The following GRIK1 variants were observed in gnomAD, a reference collection of about 807,000 sequenced individuals.
GRIK1 encodes the protein glutamate ionotropic receptor kainate type subunit 1.
Under a neutral mutation model 105.7 loss-of-function variants are expected in GRIK1, and 69 were observed. That is an observed-to-expected ratio of 0.65 (90% CI 0.54 to 0.80). The LOEUF is 0.80. Among genes scored for constraint, GRIK1 ranks in the 30% least tolerant of loss-of-function variants. GRIK1 has a pLI of 0.00. For missense variants in GRIK1, 1,109 were observed against 1,167.3 expected (o/e 0.95, Z 0.73); for synonymous variants, 438 against 431.3 (o/e 1.02, Z -0.19).
chr21:29,759,222 A>G (rs1264489858), intron 1 of GRIK1, among the ~76,000 whole-genome samples: 2 of 150,326 alleles, frequency 1.3e-5, no homozygotes, highest in African/African-American at 4.9e-5. Context: ...GGTTCACGCC[A>G]TTCTCCTGCC....
chr21:29,587,687 T>A (rs2091160716), intron 11 of GRIK1, 98 bp from the exon 12 acceptor site: 1 of 669,090 alleles, frequency 1.5e-6, no homozygotes, highest in African/African-American at 1.8e-5. Flanking sequence ...CAACTCTAAA[T>A]GCTTCTCATT....
intron 1 of GRIK1, among the ~76,000 whole-genome samples, chr21:29,867,839 A>G (rs551039371): frequency 7.2e-4 from 108 of 150,674 alleles, no homozygotes; most frequent in Non-Finnish European, 1.1e-3. Context: ...AAAGAAAGAA[A>G]GAAGGAAGGA....
chr21:29,862,645 C>T lies in GRIK1; in HGVS notation c.118+76738G>A, dbSNP rs79155246. 2.2e-3 allele frequency among the ~76,000 whole-genome samples: 338 copies of T among 152,258 alleles called. 2 individuals carry two copies. Among genetic ancestry groups the T allele is most frequent in the African/African-American group, 5.2e-3 (217 of 41,544 alleles). ...CATGACATCTTGGACTCCAAATCAT[C>T]GCTTTGTGCAGGTGTAACTTATGTT... is the stretch of plus-strand genomic sequence containing the variant. On this transcript the variant is annotated intron_variant, in intron 1 of 17. Coordinates refer to ENST00000327783, the MANE Select transcript of GRIK1 (RefSeq NM_001330994.2).
chr21:29,612,004 T>C (rs1373670513), intron 7 of GRIK1, among the ~76,000 whole-genome samples: 1 of 152,160 alleles, frequency 6.6e-6, no homozygotes, highest in South Asian at 2.1e-4. Flanking sequence ...TTTCTCAGTT[T>C]CTCTGGTTCA....
chr21:29,831,841 C>T (rs966728676), intron 1 of GRIK1, among the ~76,000 whole-genome samples: 2 of 152,154 alleles, frequency 1.3e-5, no homozygotes, highest in Admixed American at 6.6e-5. Flanking sequence ...CCCATCCCAA[C>T]AGTTCCCCAA....
chr21:29,762,660 C>T (rs2065557087), intron 1 of GRIK1, among the ~76,000 whole-genome samples: 3 of 150,304 alleles, frequency 2.0e-5, no homozygotes, highest in Admixed American at 2.0e-4. Flanking sequence ...CAACTTCTGT[C>T]TGTGCATTAA....
intron 1 of GRIK1, among the ~76,000 whole-genome samples, chr21:29,735,523 C>T (rs1020954969): frequency 6.6e-6 from 1 of 152,192 alleles, no homozygotes; most frequent in Non-Finnish European, 1.5e-5. Context: ...ATATGCTATT[C>T]TCTTCTCTTG....
At chr21:29,658,004 T>C (rs924675924) in intron 4 of GRIK1, among the ~76,000 whole-genome samples, 5 of 152,252 alleles carry the variant, frequency 3.3e-5, no homozygotes, top group African/African-American at 1.2e-4. Context: ...ACTTTGAATT[T>C]TGATACAGTA....
intron 1 of GRIK1, among the ~76,000 whole-genome samples, chr21:29,837,314 G>T (rs879654692): frequency 6.6e-6 from 1 of 152,114 alleles, no homozygotes; most frequent in African/African-American, 2.4e-5. Flanking sequence ...TTGAGTAAAA[G>T]AATAAATGAG....
chr21:29,725,475 T>C (rs1201331228), intron 1 of GRIK1, among the ~76,000 whole-genome samples: 3 of 152,230 alleles, frequency 2.0e-5, no homozygotes, highest in African/African-American at 7.2e-5. Context: ...ACAAATGGAT[T>C]GATAAATCCA....
chr21:29,753,669 G>A (rs1373175155), intron 1 of GRIK1, among the ~76,000 whole-genome samples: 1 of 152,138 alleles, frequency 6.6e-6, no homozygotes, highest in African/African-American at 2.4e-5. Flanking sequence ...AGCAGATACT[G>A]GCAGGCTATT....
intron 1 of GRIK1, among the ~76,000 whole-genome samples, chr21:29,781,618 A>C: frequency 7.1e-6 from 1 of 140,146 alleles, no homozygotes; most frequent in East Asian, 2.1e-4. Context: ...TTTTCTCAGC[A>C]CTATCCCTGT....
At chr21:29,707,980 G>A (rs545985538) in intron 1 of GRIK1, among the ~76,000 whole-genome samples, 31 of 152,228 alleles carry the variant, frequency 2.0e-4, no homozygotes, top group African/African-American at 7.2e-4. Flanking sequence ...CACTTTTCGT[G>A]TTTTTACTTG....
chr21:29,834,857 T>C (rs1476990232), intron 1 of GRIK1, among the ~76,000 whole-genome samples: 2 of 150,660 alleles, frequency 1.3e-5, no homozygotes, highest in Non-Finnish European at 3.0e-5. Context: ...CAATTGAATA[T>C]TATTTTATTT....
chr21:29,627,674 C>A (rs2062163083), intron 7 of GRIK1, among the ~76,000 whole-genome samples: 1 of 152,158 alleles, frequency 6.6e-6, no homozygotes, highest in Non-Finnish European at 1.5e-5. Flanking sequence ...TGAGATTTTT[C>A]TTTGAATTTT....
intron 1 of GRIK1, among the ~76,000 whole-genome samples, chr21:29,821,917 G>A (rs1467984559): frequency 6.6e-6 from 1 of 151,838 alleles, no homozygotes; most frequent in Non-Finnish European, 1.5e-5. Flanking sequence ...CAATTCTTCT[G>A]TAAGCTTTTC....
At chr21:29,672,210 A>G (rs753342708) in intron 4 of GRIK1, among the ~76,000 whole-genome samples, 14 of 151,804 alleles carry the variant, frequency 9.2e-5, no homozygotes, top group Non-Finnish European at 1.9e-4. Context: ...GGCATGCACC[A>G]CCATGCCCGG....
intron 7 of GRIK1, among the ~76,000 whole-genome samples, chr21:29,635,517 G>A (rs1568916676): frequency 6.6e-6 from 1 of 152,204 alleles, no homozygotes; most frequent in African/African-American, 2.4e-5. Flanking sequence ...TAGGTTCACT[G>A]CAGCTGAAGA....
chr21:29,890,539 G>GT (rs2069856118), intron 1 of GRIK1, among the ~76,000 whole-genome samples: 1 of 152,106 alleles, frequency 6.6e-6, no homozygotes, highest in Admixed American at 6.5e-5. Context: ...CTGTGTAATT[G>GT]TAAGTACAGT....
Sources: gnomAD v4.1 joint callset for allele counts (sites outside exome capture counted in the v4.1 genomes callset) on GRCh38, gnomAD v4.1.1 for gene constraint, MANE v1.5 for transcripts, NCBI Gene and HGNC (gene_info 2026-07-23, HGNC 2026-07-21) for gene names.